EPHB2: variants seen among roughly 807,000 people sequenced by gnomAD.
The protein encoded by EPHB2 is ephrin type-B receptor 2.
EPHB2 carries 18 observed loss-of-function variants against 96.4 expected under a neutral mutation model. The observed-to-expected ratio is 0.19, with a 90% CI of 0.13 to 0.28. EPHB2 has a LOEUF of 0.28. Ranked by LOEUF, EPHB2 falls within the 10% of genes least tolerant of loss-of-function variation. EPHB2 has a pLI of 1.00. For missense variants in EPHB2, 989 were observed against 1,355.4 expected, an observed-to-expected ratio of 0.73 and a Z score of 4.25; for synonymous variants, 506 against 534.1, an observed-to-expected ratio of 0.95 and a Z score of 0.72.
chr1:22,897,680 A>G (rs309463), intron 9 of EPHB2, among the ~76,000 whole-genome samples: 8,397 of 152,178 alleles, frequency 0.055, 750 homozygotes, highest in African/African-American at 0.19. Context: ...CCAGCTACTC[A>G]GGAGGCTGAG....
intron 3 of EPHB2, among the ~76,000 whole-genome samples, chr1:22,859,240 G>C (rs188769852): frequency 6.7e-6 from 1 of 148,840 alleles, no homozygotes; most frequent in East Asian, 2.1e-4. Context: ...GTGAAGGGAA[G>C]GCATTCTAAG....
chr1:22,766,622 G>A (rs1251480968), intron 1 of EPHB2, among the ~76,000 whole-genome samples: 1 of 152,178 alleles, frequency 6.6e-6, no homozygotes, highest in African/African-American at 2.4e-5. Context: ...GGTGGTTGGG[G>A]GGAGGAGAGG....
chr1:22,791,552 A>G, intron 3 of EPHB2, among the ~76,000 whole-genome samples: 1 of 149,502 alleles, frequency 6.7e-6, no homozygotes, highest in Non-Finnish European at 1.5e-5. Context: ...GTGGCCACAA[A>G]TGATCCTCCC....
chr1:22,852,617 A>G (rs1645639120), intron 3 of EPHB2, among the ~76,000 whole-genome samples: 1 of 152,112 alleles, frequency 6.6e-6, no homozygotes, highest in Admixed American at 6.5e-5. Context: ...GGGCTGGGAG[A>G]GCCAGGCCAT....
intron 1 of EPHB2, among the ~76,000 whole-genome samples, chr1:22,771,472 C>T (rs1297523567): frequency 1.3e-5 from 2 of 152,176 alleles, no homozygotes; most frequent in Non-Finnish European, 2.9e-5. Flanking sequence ...AGGGGAGATG[C>T]ACACAACTTA....
intron 9 of EPHB2, 64 bp from the exon 10 acceptor site, chr1:22,905,923 C>T (rs910646356): frequency 8.4e-5 from 135 of 1,612,672 alleles, no homozygotes; most frequent in East Asian, 1.3e-4. Flanking sequence ...GACTGGCTCC[C>T]GCTTTTCCTT....
intron 3 of EPHB2, among the ~76,000 whole-genome samples, chr1:22,810,354 G>T (rs1478894755): frequency 6.6e-6 from 1 of 152,160 alleles, no homozygotes; most frequent in African/African-American, 2.4e-5. Context: ...CAGTGGTGGG[G>T]TGGAGGGAGC....
chr1:22,864,132 A>C (rs563664101), intron 4 of EPHB2, among the ~76,000 whole-genome samples: 1 of 142,694 alleles, frequency 7.0e-6, no homozygotes, highest in Admixed American at 7.5e-5. Flanking sequence ...GGCAACTTCC[A>C]CCTCCCGGGT....
At chr1:22,800,069 C>G (rs114848554) in intron 3 of EPHB2, among the ~76,000 whole-genome samples, 1,999 of 152,360 alleles carry the variant, frequency 0.013, 41 homozygotes, top group African/African-American at 0.045. Context: ...TGGCCCTGAG[C>G]TGCCCTCCCC....
intron 3 of EPHB2, among the ~76,000 whole-genome samples, chr1:22,799,795 A>T (rs1332866666): frequency 6.6e-6 from 1 of 152,190 alleles, no homozygotes; most frequent in Non-Finnish European, 1.5e-5. Context: ...CTGTGTCCCC[A>T]GCAAATTTTG....
chr1:22,720,888 G>A (rs1249353538), intron 1 of EPHB2, among the ~76,000 whole-genome samples: 1 of 152,180 alleles, frequency 6.6e-6, no homozygotes, highest in East Asian at 1.9e-4. Context: ...AGAGAAAGGG[G>A]CCTTGGGCTG....
chr1:22,779,216 C>T (rs1176181828), intron 1 of EPHB2, among the ~76,000 whole-genome samples: 2 of 152,064 alleles, frequency 1.3e-5, no homozygotes, highest in East Asian at 1.9e-4. Context: ...ACCCTTTTTT[C>T]AGCTCCAAAG....
At chr1:22,800,732 A>G (rs1225888940) in intron 3 of EPHB2, among the ~76,000 whole-genome samples, 4 of 151,682 alleles carry the variant, frequency 2.6e-5, no homozygotes, top group Non-Finnish European at 5.9e-5. Flanking sequence ...GTGCACGCAC[A>G]TGGCTGGATC....
intron 1 of EPHB2, among the ~76,000 whole-genome samples, chr1:22,781,177 G>C (rs997282907): frequency 6.6e-6 from 1 of 151,868 alleles, no homozygotes; most frequent in East Asian, 1.9e-4. Context: ...AAAATTAGCC[G>C]GGCGTGGTTG....
intron 3 of EPHB2, among the ~76,000 whole-genome samples, chr1:22,811,655 C>T (rs567629301): frequency 6.6e-6 from 1 of 152,340 alleles, no homozygotes; most frequent in Non-Finnish European, 1.5e-5. Context: ...TGTCATCCCA[C>T]CCCAAGACCG....
intron 1 of EPHB2, among the ~76,000 whole-genome samples, chr1:22,776,599 A>G (rs1365243101): frequency 6.6e-6 from 1 of 152,234 alleles, no homozygotes; most frequent in Admixed American, 6.5e-5. Flanking sequence ...TTTGCAGACA[A>G]ACATTTTTAA....
In EPHB2 at chr1:22,919,630, C is replaced by T. The variant is rs1640348765; in HGVS notation, c.*6060C>T. On this transcript the variant is annotated 3_prime_UTR_variant, in exon 16 of 16. Coordinates refer to ENST00000374630, the MANE Select transcript of EPHB2 (RefSeq NM_017449.5). ...CTACCCAGACCAAGACACGGCTTTT[C>T]CTGGAGGAGAGAGAGAGCAAAGGCC... 6.6e-6 allele frequency: 1 copy of T among 152,318 alleles called. No homozygotes were observed. Among genetic ancestry groups the T allele is most frequent in the African/African-American group, 2.4e-5 (1 of 41,432 alleles). The allele number at this position is 152,318 out of a possible 1,614,324, so 9.4% of individuals were successfully genotyped here.
At chr1:22,778,241 G>A (rs1570259756) in intron 1 of EPHB2, among the ~76,000 whole-genome samples, 1 of 152,270 alleles carries the variant, frequency 6.6e-6, no homozygotes, top group African/African-American at 2.4e-5. Context: ...GGCCAGGCTT[G>A]TCTCGAACTC....
At position 22,910,489 on chromosome 1, in the gene EPHB2, G is replaced by A. The variant is rs199695952; in HGVS notation, c.2610G>A (p.Arg870=). The A allele has an allele frequency of 6.2e-7, 1 of 1,612,740 alleles. No homozygotes were observed. Among genetic ancestry groups the A allele is most frequent in the Non-Finnish European group, 8.5e-7 (1 of 1,180,004 alleles). ...GTTGGCAGAAGGACCGCAACCACCG[G>A]CCCAAGTTCGGCCAAATTGTCAACA... ...LDCWQKDRNH[R]PKFGQIVNTL... Residue 870 remains arginine (R), a synonymous_variant, in exon 14 of 16, where the codon CGG becomes CGA. Transcript: ENST00000374630.
Sources: gnomAD v4.1 joint callset for allele counts (sites outside exome capture counted in the v4.1 genomes callset) on GRCh38, gnomAD v4.1.1 for gene constraint, MANE v1.5 for transcripts, NCBI Gene and HGNC (gene_info 2026-07-23, HGNC 2026-07-21) for gene names.